INPP4A: variants seen among roughly 807,000 people sequenced by gnomAD.
INPP4A encodes the protein inositol polyphosphate-4-phosphatase type I A, also known as inositol polyphosphate-4-phosphatase, type I, 107kD.
A neutral mutation model predicts 119.8 loss-of-function variants in INPP4A; 33 were observed. The observed-to-expected ratio is 0.28, with a 90% CI of 0.21 to 0.37. The LOEUF (loss-of-function observed/expected upper bound fraction) is 0.37, where lower values mean the gene tolerates loss of function less well. Ranked by LOEUF, INPP4A falls within the 10% of genes least tolerant of loss-of-function variation. The pLI is 1.00. For missense variants in INPP4A, 956 were observed against 1,289.9 expected (o/e 0.74, Z 3.97); for synonymous variants, 496 against 500.7 (o/e 0.99, Z 0.12).
rs894353199 is a variant in INPP4A at position 98,569,461 on chromosome 2, A to T, written c.2518+793A>T. ...TAGTGTCCTCTGATGGGGGTTTCCA[A>T]AGAGGGAACCCACATCGGCTGGGCT... On this transcript the variant is annotated intron_variant, in intron 22 of 24. Transcript: ENST00000409851. This position sits in a 1 kb window ranked among gnomAD's most constrained non-coding sequence, Gnocchi z 5.1. 7 of 152,226 alleles carry T rather than the reference A, an allele frequency of 4.6e-5. No homozygotes were observed. The highest frequency in any genetic ancestry group is 1.7e-4 in the African/African-American group (7 of 41,426). 9.4% of individuals were successfully genotyped at this position (152,226 alleles called of 1,614,324 possible).
chr2:98,573,249 G>A (rs535667547), intron 23 of INPP4A, among the ~76,000 whole-genome samples: 1 of 152,312 alleles, frequency 6.6e-6, no homozygotes, highest in South Asian at 2.1e-4. Flanking sequence ...TCATTTAATA[G>A]GGTCAGAAGG....
At chr2:98,467,429 A>C (rs12617721) in intron 1 of INPP4A, among the ~76,000 whole-genome samples, 41,796 of 151,966 alleles carry the variant, frequency 0.28, 5,790 homozygotes, top group Middle Eastern at 0.35. Flanking sequence ...CTTGGTCTCT[A>C]CATCTGTTTA....
At chr2:98,577,531 G>A (rs1024602072) in intron 24 of INPP4A, among the ~76,000 whole-genome samples, 3 of 151,810 alleles carry the variant, frequency 2.0e-5, no homozygotes, top group African/African-American at 2.4e-5. Flanking sequence ...TGCTGTTGTC[G>A]TCGTGTATAT....
At chr2:98,538,802 A>G (rs1013785402) in intron 8 of INPP4A, 89 bp from the exon 9 acceptor site, 4 of 746,182 alleles carry the variant, frequency 5.4e-6, no homozygotes, top group Non-Finnish European at 9.6e-6. Flanking sequence ...GACTTCTGTT[A>G]TGATGTATTT....
At chr2:98,553,571 T>C (rs1247818660) in intron 14 of INPP4A, among the ~76,000 whole-genome samples, 2 of 151,160 alleles carry the variant, frequency 1.3e-5, no homozygotes, top group Non-Finnish European at 2.9e-5. Context: ...ACACACACGC[T>C]CTCATACACA....
chr2:98,536,001 A>G lies in INPP4A; in HGVS notation c.388-128A>G, dbSNP rs554732037. The G allele has an allele frequency of 5.4e-5, 39 of 722,568 alleles. No individual in the cohort carries two copies. In the East Asian group the frequency reaches 1.0e-3, roughly 19 times the overall value. 44.8% of individuals were successfully genotyped at this position (722,568 alleles called of 1,614,324 possible). A position where few individuals can be genotyped will look rare whatever the true frequency, so the allele number is the denominator to read the frequency against. On this transcript the variant is annotated intron_variant, in intron 6 of 24. Coordinates refer to ENST00000409851, the MANE Select transcript of INPP4A (RefSeq NM_001134225.2). ...TCTTTGCGAATTGTTAAGCTTTCCC[A>G]TTGGGCTTCTGACATAAGGGTAAGA...
intron 24 of INPP4A, among the ~76,000 whole-genome samples, chr2:98,582,326 A>G (rs958618843): frequency 3.3e-5 from 5 of 152,320 alleles, no homozygotes; most frequent in African/African-American, 1.2e-4. Flanking sequence ...GAATCCTACC[A>G]TTTCCTTGCT....
At chr2:98,568,813 C>CAG (rs150453354) in intron 22 of INPP4A, 145 bp downstream of exon 22, 36 of 605,350 alleles carry the variant, frequency 5.9e-5, no homozygotes, top group Admixed American at 1.1e-4. Flanking sequence ...CACACACACG[C>CAG]AGAGAGAGAG....
chr2:98,591,920 G>C lies in INPP4A; in HGVS notation c.*4312G>C, dbSNP rs534278968. 1.3e-5 allele frequency: 2 copies of C among 152,298 alleles called. No homozygotes were observed. Among genetic ancestry groups the C allele is most frequent in the South Asian group, 4.2e-4 (2 of 4,816 alleles). The allele number at this position is 152,298 out of a possible 1,614,324, so 9.4% of individuals were successfully genotyped here. A position where few individuals can be genotyped will look rare whatever the true frequency, so the allele number is the denominator to read the frequency against. Reference sequence around the variant, plus strand: ...AGCATTGAGTGTTCCTAATGTTGTAGTAATGAGCAGTAGATGTCTCTCAGT... The same window carrying C: ...AGCATTGAGTGTTCCTAATGTTGTACTAATGAGCAGTAGATGTCTCTCAGT... On this transcript the variant is annotated 3_prime_UTR_variant, in exon 25 of 25. Transcript: ENST00000409851.
At chr2:98,552,511 C>T (rs976573775) in intron 13 of INPP4A, 2 of 553,700 alleles carry the variant, frequency 3.6e-6, no homozygotes, top group South Asian at 3.1e-5. Flanking sequence ...TGTTCAATAC[C>T]TGTTCATACA....
intron 1 of INPP4A, among the ~76,000 whole-genome samples, chr2:98,514,235 CAG>C (rs1264170611): frequency 6.6e-6 from 1 of 152,134 alleles, no homozygotes; most frequent in Non-Finnish European, 1.5e-5. Flanking sequence ...AGGGGAGGCT[CAG>C]GGGATGTGTT....
intron 24 of INPP4A, among the ~76,000 whole-genome samples, chr2:98,585,029 CA>C (rs1400148997): frequency 6.6e-6 from 1 of 152,174 alleles, no homozygotes. Context: ...TCTAGGTGTT[CA>C]GATTAAATCA....
rs1437437156 is a variant in INPP4A, at chr2:98,464,367, T to G, written c.-166+19282T>G. 2.0e-5 allele frequency among the ~76,000 whole-genome samples: 3 copies of G among 152,064 alleles called. No homozygotes were observed. In the East Asian group the frequency reaches 5.8e-4, roughly 29 times the overall value. ...AAGTGGAATTATTGCACATGGTGGGTTTCGACACTTGGGACTCGCTCCTCA... is the reference window on the plus strand; with the variant it reads ...AAGTGGAATTATTGCACATGGTGGGGTTCGACACTTGGGACTCGCTCCTCA... On this transcript the variant is annotated intron_variant, in intron 1 of 24. Transcript: ENST00000409851.
chr2:98,460,628 C>G (rs1019354074), intron 1 of INPP4A, among the ~76,000 whole-genome samples: 2 of 152,164 alleles, frequency 1.3e-5, no homozygotes, highest in Non-Finnish European at 2.9e-5. Context: ...TGTGCTCTAA[C>G]CACCAGTTTT....
In INPP4A at chr2:98,459,606, G is replaced by A. The variant is rs75985273; in HGVS notation, c.-166+14521G>A. On this transcript the variant is annotated intron_variant, in intron 1 of 24. Transcript: ENST00000409851. ...CAATGGCATTCACAGTGTGAAGATT[G>A]CCAGAGTTCTCTATGGACACACCCT... Among the ~76,000 whole-genome samples the A allele has an allele frequency of 5.2e-3, 792 of 152,326 alleles. 11 individuals are homozygous for A. The highest frequency in any genetic ancestry group is 0.018 in the African/African-American group (736 of 41,562).
In INPP4A at chr2:98,590,188, G is replaced by T; in HGVS notation, c.*2580G>T. 4.9e-6 allele frequency: 1 copy of T among 204,968 alleles called. No individual in the cohort carries two copies. The highest frequency in any genetic ancestry group is 7.5e-5 in the East Asian group (1 of 13,402). The allele number at this position is 204,968 out of a possible 1,614,324, so 12.7% of individuals were successfully genotyped here. On this transcript the variant is annotated 3_prime_UTR_variant, in exon 25 of 25. Transcript: ENST00000409851. ...CTTGCCTGATTCATCCTATTAGGAG[G>T]ACTAGTTCTATGTGACCAGCCTGTG...
At position 98,512,930 on chromosome 2, in the gene INPP4A, G is replaced by C. The variant is rs140990759; in HGVS notation, c.-165-6034G>C. ...CCTTTCCATCCTAGTTAATACCTGG[G>C]CCTTTGAGGCAGCATTTTTTGTTTT... On this transcript the variant is annotated intron_variant, in intron 1 of 24. Coordinates refer to ENST00000409851, the MANE Select transcript of INPP4A (RefSeq NM_001134225.2). 7.5e-3 allele frequency among the ~76,000 whole-genome samples: 1,135 copies of C among 152,258 alleles called. 14 individuals are homozygous for C. The highest frequency in any genetic ancestry group is 0.031 in the Middle Eastern group (9 of 294).
intron 23 of INPP4A, among the ~76,000 whole-genome samples, chr2:98,576,352 C>G (rs1698414123): frequency 6.6e-6 from 1 of 152,162 alleles, no homozygotes; most frequent in Non-Finnish European, 1.5e-5. Context: ...ACTCTGTGAG[C>G]CATTCAGTTG....
In INPP4A at chr2:98,445,410, C is replaced by T. The variant is rs1365624315; in HGVS notation, c.-166+325C>T. 3.3e-5 allele frequency among the ~76,000 whole-genome samples: 5 copies of T among 152,338 alleles called. No homozygotes were observed. The South Asian group carries it at 6.2e-4, about 19-fold the overall frequency. On this transcript the variant is annotated intron_variant, in intron 1 of 24. Coordinates refer to ENST00000409851, the MANE Select transcript of INPP4A (RefSeq NM_001134225.2). ...GGCTCCAGGGCTGGGTCTACGGGCTCCTGAAGCTGGAGGCCTTGCCGTGTT... is the reference window on the plus strand; with the variant it reads ...GGCTCCAGGGCTGGGTCTACGGGCTTCTGAAGCTGGAGGCCTTGCCGTGTT...
Sources: gnomAD v4.1 joint callset for allele counts (sites outside exome capture counted in the v4.1 genomes callset) on GRCh38, gnomAD v4.1.1 for gene constraint, Gnocchi (gnomAD v3.1) non-coding constraint, MANE v1.5 for transcripts, NCBI Gene and HGNC (gene_info 2026-07-23, HGNC 2026-07-21) for gene names.